LRP5: variants seen among roughly 807,000 people sequenced by gnomAD.
LRP5 encodes the protein LDL receptor related protein 5.
Under a neutral mutation model 154.1 loss-of-function variants are expected in LRP5, and 62 were observed. The ratio of observed to expected loss-of-function variants is 0.40; its 90% CI spans 0.33 to 0.50. The LOEUF is 0.50. Ranked by LOEUF, LRP5 falls within the 20% of genes least tolerant of loss-of-function variation. LRP5 has a pLI of 0.55. For missense variants in LRP5, 1,915 were observed against 2,336.7 expected (o/e 0.82, Z 3.72); for synonymous variants, 966 against 1,011.5 (o/e 0.96, Z 0.85).
At chr11:68,339,198 CAG>C (rs2098607431) in intron 1 of LRP5, among the ~76,000 whole-genome samples, 1 of 151,946 alleles carries the variant, frequency 6.6e-6, no homozygotes, top group African/African-American at 2.4e-5. Flanking sequence ...TTTTTTGAGA[CAG>C]AGTCTCCTTC....
At position 68,437,830 on chromosome 11, in the gene LRP5, C is replaced by A. The variant is rs535464551; in HGVS notation, c.4112-616C>A. ...GTCTGACGGGCCTGTGCCGTGGGCC[C>A]CAGCTGTGGGGGCGCTGTTGATGCG... On this transcript the variant is annotated intron_variant, in intron 19 of 22. Transcript: ENST00000294304. Among the ~76,000 whole-genome samples, 13 of 152,388 alleles carry A rather than the reference C, an allele frequency of 8.5e-5. No individual in the cohort carries two copies. The East Asian group carries it at 2.5e-3, about 29-fold the overall frequency.
Position 68,423,388 on chromosome 11 carries a change from T to A in LRP5, c.3028-101T>A, listed in dbSNP as rs1591309443. ...GGGCTCTCCAGCCAGTGCCCGGGGG[T>A]CTCCACCAGTGCCCGGGGGTCTCCG... On this transcript the variant is annotated intron_variant, in intron 13 of 22. Coordinates refer to ENST00000294304, the MANE Select transcript of LRP5 (RefSeq NM_002335.4). This position sits in a 1 kb window ranked among gnomAD's most constrained non-coding sequence, Gnocchi z 4.7. 3.0e-5 allele frequency: 32 copies of A among 1,079,342 alleles called. 1 individual carries two copies. The East Asian group carries it at 7.6e-4, about 25-fold the overall frequency. The allele number at this position is 1,079,342 out of a possible 1,614,324, so 66.9% of individuals were successfully genotyped here.
intron 19 of LRP5, among the ~76,000 whole-genome samples, chr11:68,438,126 C>T (rs983406402): frequency 2.0e-5 from 3 of 152,094 alleles, no homozygotes; most frequent in Admixed American, 6.6e-5. Flanking sequence ...GGCCAGGGCG[C>T]GCTCACTTCT....
At chr11:68,335,141 A>G (rs948353530) in intron 1 of LRP5, among the ~76,000 whole-genome samples, 2 of 150,744 alleles carry the variant, frequency 1.3e-5, no homozygotes, top group African/African-American at 4.9e-5. Flanking sequence ...CAGTGGTACA[A>G]TCATGGGTCA....
At chr11:68,405,108 G>A (rs1204561329) in intron 8 of LRP5, among the ~76,000 whole-genome samples, 11 of 151,456 alleles carry the variant, frequency 7.3e-5, no homozygotes, top group Non-Finnish European at 1.0e-4. Context: ...TAGTGAGCCC[G>A]TATCGTACCA....
intron 3 of LRP5, among the ~76,000 whole-genome samples, chr11:68,362,225 T>C (rs2098628494): frequency 6.6e-6 from 1 of 152,198 alleles, no homozygotes; most frequent in African/African-American, 2.4e-5. Flanking sequence ...ATGTGTGTAG[T>C]TAAGTCCATC....
chr11:68,415,289 C>T (rs566216432), intron 12 of LRP5, among the ~76,000 whole-genome samples: 57 of 152,314 alleles, frequency 3.7e-4, no homozygotes, highest in African/African-American at 1.3e-3. Flanking sequence ...GGAGTGTCTT[C>T]TCTCGGGCTT....
intron 7 of LRP5, among the ~76,000 whole-genome samples, chr11:68,391,823 G>C (rs1216054665): frequency 6.6e-6 from 1 of 152,224 alleles, no homozygotes; most frequent in Non-Finnish European, 1.5e-5. Flanking sequence ...CCTGTGACAG[G>C]CGTTGTTCCA....
the LRP5 span, among the ~76,000 whole-genome samples, chr11:68,305,275 C>T: frequency 5.3e-5 from 8 of 151,946 alleles, no homozygotes; most frequent in African/African-American, 1.7e-4. Context: ...CTCGCTCCTG[C>T]TTTTGCTGTG....
At chr11:68,398,809 G>A (rs951543552) in intron 7 of LRP5, among the ~76,000 whole-genome samples, 4 of 152,036 alleles carry the variant, frequency 2.6e-5, no homozygotes, top group Non-Finnish European at 5.9e-5. Flanking sequence ...GGCATGGCTC[G>A]CTGTACCCTT....
chr11:68,341,059 C>CTTTTTTTTTGTTTTTTTTTTTTTTTT (rs2098608776), intron 1 of LRP5, among the ~76,000 whole-genome samples: 1 of 83,496 alleles, frequency 1.2e-5, no homozygotes. Context: ...GGAGATTGTT[C>CTTTTTTTTTGTTTTTTTTTTTTTTTT]TTTTTTTTTT....
chr11:68,340,094 G>C lies in LRP5; in HGVS notation c.92-7753G>C, dbSNP rs535363182. Among the ~76,000 whole-genome samples, 159 of 152,236 alleles carry C rather than the reference G, an allele frequency of 1.0e-3. 1 individual carries two copies. The highest frequency in any genetic ancestry group is 3.6e-3 in the African/African-American group (149 of 41,536). Reference sequence around the variant, plus strand: ...CGTCTCTACTAAAAATACAAAATTAGCTGGGCGTGGTGGCGTGTGCCTGTA... The same window carrying C: ...CGTCTCTACTAAAAATACAAAATTACCTGGGCGTGGTGGCGTGTGCCTGTA... On this transcript the variant is annotated intron_variant, in intron 1 of 22. Transcript: ENST00000294304.
intron 13 of LRP5, among the ~76,000 whole-genome samples, chr11:68,417,538 G>A (rs556747031): frequency 7.2e-5 from 9 of 125,474 alleles, no homozygotes; most frequent in African/African-American, 2.4e-4. Context: ...TTGGCTCACT[G>A]CAACCTTTGC....
chr11:68,354,756 G>A (rs1000831623), intron 2 of LRP5, among the ~76,000 whole-genome samples: 7 of 152,222 alleles, frequency 4.6e-5, no homozygotes, highest in Non-Finnish European at 7.3e-5. Flanking sequence ...CCTGTAACCT[G>A]GAACAGGCCA....
At chr11:68,382,193 G>A (rs2098640596) in intron 5 of LRP5, among the ~76,000 whole-genome samples, 1 of 152,202 alleles carries the variant, frequency 6.6e-6, no homozygotes, top group South Asian at 2.1e-4. Context: ...GGACTGCTTC[G>A]CCACAGAGGT....
At chr11:68,326,596 A>T (rs1215293864) in intron 1 of LRP5, among the ~76,000 whole-genome samples, 1 of 152,106 alleles carries the variant, frequency 6.6e-6, no homozygotes, top group African/African-American at 2.4e-5. Context: ...TTGCTGAGAG[A>T]TGTGCTCTCC....
At chr11:68,303,034 G>A in the LRP5 span, among the ~76,000 whole-genome samples, 1 of 152,212 alleles carries the variant, frequency 6.6e-6, no homozygotes, top group Non-Finnish European at 1.5e-5. Context: ...AGGCAGCTGA[G>A]GTGGGAGGAA....
At chr11:68,313,465 G>A (rs1259045937) in intron 1 of LRP5, among the ~76,000 whole-genome samples, 1 of 152,168 alleles carries the variant, frequency 6.6e-6, no homozygotes, top group Admixed American at 6.5e-5. Context: ...CAGATCGCGG[G>A]GCAGTGGGGG....
intron 1 of LRP5, among the ~76,000 whole-genome samples, chr11:68,344,603 A>T (rs1482613470): frequency 6.6e-6 from 1 of 152,160 alleles, no homozygotes; most frequent in African/African-American, 2.4e-5. Context: ...GACAGGTGTG[A>T]GCCACCGTGC....
Sources: allele counts gnomAD v4.1 joint callset (sites outside exome capture counted in the v4.1 genomes callset), GRCh38; gene constraint gnomAD v4.1.1; non-coding constraint Gnocchi (gnomAD v3.1); transcripts MANE v1.5; gene names NCBI Gene and HGNC (gene_info 2026-07-23, HGNC 2026-07-21).